Variants in SNTG1 observed in about 807,000 individuals in gnomAD.
The protein encoded by SNTG1 is gamma-1-syntrophin.
A neutral mutation model predicts 74.7 loss-of-function variants in SNTG1; 39 were observed. The observed-to-expected ratio is 0.52, with a 90% CI of 0.40 to 0.68. The LOEUF (loss-of-function observed/expected upper bound fraction) is 0.68, where lower values mean the gene tolerates loss of function less well. SNTG1 is among the 30% of genes least tolerant of loss of function. The probability of loss-of-function intolerance (pLI) is 0.00; values close to 1 mark genes in which losing one functional copy is unlikely to be tolerated. For missense variants in SNTG1, 685 were observed against 609.5 expected (o/e 1.12, Z -1.30); for synonymous variants, 254 against 217.1 (o/e 1.17, Z -1.49).
chr8:50,474,487 C>T (rs1208529804), intron 8 of SNTG1, among the ~76,000 whole-genome samples: 1 of 152,154 alleles, frequency 6.6e-6, no homozygotes, highest in East Asian at 1.9e-4. Flanking sequence ...TGCTCATCAT[C>T]ACTGGCCATC....
At position 50,582,672 on chromosome 8, in the gene SNTG1, A is replaced by G. The variant is rs907354235; in HGVS notation, c.811-8207A>G. Reference sequence around the variant, plus strand: ...TCTAGAAAAAAACAGGAATTCAAGCATAACATATTTTTTTTATTGAATAAG... The same window carrying G: ...TCTAGAAAAAAACAGGAATTCAAGCGTAACATATTTTTTTTATTGAATAAG... On this transcript the variant is annotated intron_variant, in intron 12 of 18. Coordinates refer to ENST00000642720, the MANE Select transcript of SNTG1 (RefSeq NM_018967.5). Among the ~76,000 whole-genome samples, 4 of 152,150 alleles carry G rather than the reference A, an allele frequency of 2.6e-5. No individual in the cohort carries two copies. The South Asian group carries it at 6.2e-4, about 24-fold the overall frequency.
chr8:49,945,460 C>T (rs1229939270), intron 1 of SNTG1, among the ~76,000 whole-genome samples: 4 of 152,184 alleles, frequency 2.6e-5, no homozygotes, highest in South Asian at 2.1e-4. Flanking sequence ...TTTAACCTTT[C>T]GTCATGGGTC....
chr8:50,005,815 T>C (rs985192592), intron 1 of SNTG1, among the ~76,000 whole-genome samples: 2 of 152,134 alleles, frequency 1.3e-5, no homozygotes, highest in East Asian at 3.9e-4. Context: ...TCAGTATTTT[T>C]CTCTCTACTG....
intron 1 of SNTG1, among the ~76,000 whole-genome samples, chr8:49,924,588 G>GATGATCAGATGGAAATGTACTCACAGAT (rs1806848866): frequency 6.6e-6 from 1 of 152,194 alleles, no homozygotes; most frequent in Non-Finnish European, 1.5e-5. Context: ...GATCAGGTTA[G>GATGATCAGATGGAAATGTACTCACAGAT]GAAGCTGACC....
chr8:50,707,512 T>C (rs1471291983), intron 16 of SNTG1, among the ~76,000 whole-genome samples: 2 of 152,172 alleles, frequency 1.3e-5, no homozygotes, highest in Non-Finnish European at 2.9e-5. Flanking sequence ...TTATAATTTT[T>C]CTATGCTAAT....
At chr8:49,955,632 A>G (rs1402324061) in intron 1 of SNTG1, among the ~76,000 whole-genome samples, 1 of 152,230 alleles carries the variant, frequency 6.6e-6, no homozygotes, top group Non-Finnish European at 1.5e-5. Flanking sequence ...GCTGCTTACA[A>G]ATGTTGTTAA....
intron 1 of SNTG1, among the ~76,000 whole-genome samples, chr8:50,162,941 GA>G (rs1175020622): frequency 6.6e-6 from 1 of 152,212 alleles, no homozygotes; most frequent in Non-Finnish European, 1.5e-5. Context: ...AGATCACCAT[GA>G]AATCCTTAGG....
intron 9 of SNTG1, among the ~76,000 whole-genome samples, chr8:50,523,565 A>G (rs2094197120): frequency 6.6e-6 from 1 of 152,196 alleles, no homozygotes; most frequent in Admixed American, 6.6e-5. Context: ...GAGATGGGGA[A>G]CAGCTAGTCA....
chr8:50,497,085 A>T (rs578161211), intron 8 of SNTG1, among the ~76,000 whole-genome samples: 16 of 152,078 alleles, frequency 1.1e-4, no homozygotes, highest in Non-Finnish European at 2.4e-4. Context: ...GATTACACAG[A>T]TACTCATAAG....
At chr8:49,932,412 T>C (rs1807676345) in intron 1 of SNTG1, among the ~76,000 whole-genome samples, 1 of 152,056 alleles carries the variant, frequency 6.6e-6, no homozygotes, top group Non-Finnish European at 1.5e-5. Flanking sequence ...ACATATAATA[T>C]CTTCACTGAG....
chr8:50,531,009 A>G (rs1436214536), intron 10 of SNTG1, among the ~76,000 whole-genome samples: 1 of 152,216 alleles, frequency 6.6e-6, no homozygotes, highest in African/African-American at 2.4e-5. Flanking sequence ...TTATTGTTCT[A>G]TTCCACATAT....
intron 2 of SNTG1, among the ~76,000 whole-genome samples, chr8:50,191,699 G>A (rs1186703440): frequency 5.3e-5 from 8 of 152,042 alleles, no homozygotes; most frequent in African/African-American, 1.7e-4. Flanking sequence ...CATGCAGTAG[G>A]TATTTGTGCT....
At chr8:50,604,591 C>G (rs1253146202) in intron 13 of SNTG1, among the ~76,000 whole-genome samples, 1 of 152,074 alleles carries the variant, frequency 6.6e-6, no homozygotes, top group African/African-American at 2.4e-5. Flanking sequence ...TCCAAGGGCT[C>G]TTCAGTGTGC....
intron 2 of SNTG1, among the ~76,000 whole-genome samples, chr8:50,323,353 T>C (rs1486342580): frequency 6.6e-6 from 1 of 152,160 alleles, no homozygotes. Context: ...TGGTGACTTA[T>C]TTACTTCATT....
At chr8:50,375,896 A>T (rs1490686984) in intron 2 of SNTG1, among the ~76,000 whole-genome samples, 2 of 152,214 alleles carry the variant, frequency 1.3e-5, no homozygotes, top group African/African-American at 2.4e-5. Context: ...CTTTACGAAG[A>T]ACAGTACATT....
chr8:50,738,111 G>GTCAAAT (rs2095533533), intron 17 of SNTG1, among the ~76,000 whole-genome samples: 1 of 152,076 alleles, frequency 6.6e-6, no homozygotes, highest in Non-Finnish European at 1.5e-5. Flanking sequence ...AAAAGAGGAA[G>GTCAAAT]TCAAATTGTC....
chr8:50,573,102 T>C (rs1011359792), intron 12 of SNTG1, among the ~76,000 whole-genome samples: 2 of 152,102 alleles, frequency 1.3e-5, no homozygotes, highest in South Asian at 4.1e-4. Context: ...ACTGGCAATG[T>C]AATTTTAAAA....
chr8:50,543,696 G>T (rs999669501), intron 11 of SNTG1, among the ~76,000 whole-genome samples: 3 of 151,972 alleles, frequency 2.0e-5, no homozygotes. Flanking sequence ...CATTTATTTG[G>T]ATAAATGCTA....
rs1217355515 is a variant in SNTG1, at chr8:50,381,592, G to GTGTGTGTGTGTA, written c.-27-12619_-27-12618insGTGTGTGTGTAT. ...TGTGTGTGTGTGTGTGTGTGTGTGT[G>GTGTGTGTGTGTA]TATATATATATATATCTCCTATTAG... On this transcript the variant is annotated intron_variant, in intron 2 of 18. Coordinates refer to ENST00000642720, the MANE Select transcript of SNTG1 (RefSeq NM_018967.5). Among the ~76,000 whole-genome samples, 24 of 98,006 alleles carry GTGTGTGTGTGTA rather than the reference G, an allele frequency of 2.4e-4. 1 individual carries two copies. The highest frequency in any genetic ancestry group is 4.4e-4 in the Non-Finnish European group (20 of 45,740). 64.3% of individuals were successfully genotyped at this position (98,006 alleles called of 152,430 possible).
Sources: allele counts gnomAD v4.1 joint callset (sites outside exome capture counted in the v4.1 genomes callset), GRCh38; gene constraint gnomAD v4.1.1; transcripts MANE v1.5; gene names NCBI Gene and HGNC (gene_info 2026-07-23, HGNC 2026-07-21).